L3MBTL4: variants seen among roughly 807,000 people sequenced by gnomAD.
L3MBTL4 encodes the protein lethal(3)malignant brain tumor-like protein 4.
L3MBTL4 carries 70 observed loss-of-function variants against 84.5 expected under a neutral mutation model. That is an observed-to-expected ratio of 0.83 (90% CI 0.68 to 1.01). L3MBTL4 has a LOEUF of 1.01. L3MBTL4 is among the 50% of genes least tolerant of loss of function. The probability of loss-of-function intolerance (pLI) is 0.00; values close to 1 mark genes in which losing one functional copy is unlikely to be tolerated. For synonymous variants in L3MBTL4, 274 were observed against 259.8 expected (o/e 1.05, Z -0.52); for missense variants, 715 against 754.8 (o/e 0.95, Z 0.62).
chr18:6,033,166 A>T lies in L3MBTL4; in HGVS notation c.1444+47715T>A, dbSNP rs140867655. Among the ~76,000 whole-genome samples the T allele has an allele frequency of 5.3e-5, 8 of 152,252 alleles. No homozygotes were observed. In the East Asian group the frequency reaches 1.2e-3, roughly 22 times the overall value. On this transcript the variant is annotated intron_variant, in intron 16 of 18. Coordinates refer to ENST00000317931, the MANE Select transcript of L3MBTL4 (RefSeq NM_001330559.2). ...TTATATGTTTTGATGGTCTGTTATT[A>T]GGTGCACAAATGTTTATAATTGTTA...
intron 16 of L3MBTL4, among the ~76,000 whole-genome samples, chr18:6,073,536 G>A (rs2057758832): frequency 6.6e-6 from 1 of 152,102 alleles, no homozygotes; most frequent in Admixed American, 6.5e-5. Flanking sequence ...GAGAAAGAGG[G>A]AATATCAAAA....
At chr18:6,001,557 A>G (rs2054214524) in intron 16 of L3MBTL4, among the ~76,000 whole-genome samples, 1 of 152,218 alleles carries the variant, frequency 6.6e-6, no homozygotes, top group Admixed American at 6.5e-5. Flanking sequence ...TGAGATTCAA[A>G]TGGTCAGTTT....
intron 18 of L3MBTL4, among the ~76,000 whole-genome samples, chr18:5,958,877 C>T (rs1034862714): frequency 8.0e-5 from 12 of 150,832 alleles, no homozygotes; most frequent in African/African-American, 2.7e-4. Context: ...AGCAATTCAA[C>T]CTGCAAAAAG....
At chr18:6,334,060 G>A (rs1025804567) in intron 1 of L3MBTL4, among the ~76,000 whole-genome samples, 1 of 152,124 alleles carries the variant, frequency 6.6e-6, no homozygotes, top group Non-Finnish European at 1.5e-5. Context: ...AAATCAAGAC[G>A]GTCTTGCAGT....
intron 1 of L3MBTL4, among the ~76,000 whole-genome samples, chr18:6,366,274 ATTC>A (rs1180114172): frequency 6.6e-6 from 1 of 152,248 alleles, no homozygotes; most frequent in Non-Finnish European, 1.5e-5. Flanking sequence ...TGATCAGCAC[ATTC>A]TTCTTTAAAC....
At chr18:6,246,477 A>G (rs76608239) in intron 5 of L3MBTL4, among the ~76,000 whole-genome samples, 1,789 of 152,332 alleles carry the variant, frequency 0.012, 34 homozygotes, top group African/African-American at 0.04. Flanking sequence ...AAATAATCAT[A>G]TACTAATGGA....
At chr18:6,223,057 T>C (rs1273431806) in intron 10 of L3MBTL4, among the ~76,000 whole-genome samples, 1 of 151,798 alleles carries the variant, frequency 6.6e-6, no homozygotes, top group Non-Finnish European at 1.5e-5. Context: ...TAAATATTTC[T>C]ATGTGTTCAT....
At chr18:6,408,874 G>A (rs1402932752) in intron 1 of L3MBTL4, among the ~76,000 whole-genome samples, 4 of 151,848 alleles carry the variant, frequency 2.6e-5, no homozygotes, top group Admixed American at 1.3e-4. Context: ...ATGGGGTTTC[G>A]CCATGTTACC....
At chr18:6,168,314 T>C (rs2043784530) in intron 13 of L3MBTL4, among the ~76,000 whole-genome samples, 1 of 152,032 alleles carries the variant, frequency 6.6e-6, no homozygotes, top group Non-Finnish European at 1.5e-5. Context: ...TTCACAAAAT[T>C]GGAAAAAAGC....
chr18:6,370,399 G>T (rs868557961), intron 1 of L3MBTL4, among the ~76,000 whole-genome samples: 3 of 152,230 alleles, frequency 2.0e-5, no homozygotes, highest in Non-Finnish European at 2.9e-5. Flanking sequence ...AAGGAGCAAT[G>T]AAGTCAGCTT....
At chr18:6,382,977 T>A (rs1043934087) in intron 1 of L3MBTL4, among the ~76,000 whole-genome samples, 1 of 152,150 alleles carries the variant, frequency 6.6e-6, no homozygotes, top group Non-Finnish European at 1.5e-5. Context: ...AGTCCCTGAC[T>A]GGGGCTTTGC....
chr18:6,302,796 A>G (rs2050400085), intron 3 of L3MBTL4, among the ~76,000 whole-genome samples: 1 of 152,164 alleles, frequency 6.6e-6, no homozygotes, highest in Non-Finnish European at 1.5e-5. Flanking sequence ...CAACCTGGCC[A>G]ACATGGTGAA....
At chr18:6,252,780 G>T (rs187605608) in intron 5 of L3MBTL4, among the ~76,000 whole-genome samples, 3 of 152,206 alleles carry the variant, frequency 2.0e-5, no homozygotes, top group Non-Finnish European at 4.4e-5. Context: ...TATTAGCAGC[G>T]GTGTGGGAAA....
At chr18:6,205,828 T>C (rs1415918943) in intron 12 of L3MBTL4, among the ~76,000 whole-genome samples, 1 of 152,218 alleles carries the variant, frequency 6.6e-6, no homozygotes. Context: ...AGAGACGATG[T>C]TTGGCATAAT....
At chr18:6,121,028 G>C (rs976035107) in intron 14 of L3MBTL4, among the ~76,000 whole-genome samples, 3 of 152,056 alleles carry the variant, frequency 2.0e-5, no homozygotes, top group African/African-American at 7.2e-5. Context: ...GCATCTACTA[G>C]ATAAGTGATG....
At chr18:5,963,212 C>G (rs1323004615) in intron 17 of L3MBTL4, among the ~76,000 whole-genome samples, 1 of 152,170 alleles carries the variant, frequency 6.6e-6, no homozygotes, top group African/African-American at 2.4e-5. Context: ...AACATGGTCT[C>G]TTTTCCATAC....
At chr18:6,123,762 A>G (rs1223211943) in intron 14 of L3MBTL4, among the ~76,000 whole-genome samples, 1 of 152,238 alleles carries the variant, frequency 6.6e-6, no homozygotes, top group Non-Finnish European at 1.5e-5. Context: ...CAAGGCCTAG[A>G]GATTATGTGA....
At chr18:6,093,560 C>A in intron 14 of L3MBTL4, 32 bp from the exon 15 acceptor site, 1 of 1,553,792 alleles carries the variant, frequency 6.4e-7, no homozygotes, top group South Asian at 1.2e-5. Flanking sequence ...GCACAGTCAT[C>A]AGTATACAGT....
intron 14 of L3MBTL4, among the ~76,000 whole-genome samples, chr18:6,094,569 T>C (rs1385542034): frequency 1.3e-5 from 2 of 152,098 alleles, no homozygotes; most frequent in South Asian, 2.1e-4. Flanking sequence ...ATCGAGGCAG[T>C]TGATTCTTTT....
Sources: allele counts gnomAD v4.1 joint callset (sites outside exome capture counted in the v4.1 genomes callset), GRCh38; gene constraint gnomAD v4.1.1; transcripts MANE v1.5; gene names NCBI Gene and HGNC (gene_info 2026-07-23, HGNC 2026-07-21).